Variants in ZPLD1 observed in about 807,000 individuals in gnomAD.
The protein encoded by ZPLD1 is zona pellucida-like domain-containing protein 1.
A neutral mutation model predicts 47.2 loss-of-function variants in ZPLD1; 34 were observed. That is an observed-to-expected ratio of 0.72 (90% CI 0.55 to 0.96). The LOEUF is 0.96. Among genes scored for constraint, ZPLD1 ranks in the 40% least tolerant of loss-of-function variants. The pLI, the probability that ZPLD1 is intolerant of heterozygous loss-of-function variation, is 0.00. For synonymous variants in ZPLD1, 176 were observed against 186.2 expected, an observed-to-expected ratio of 0.95 and a Z score of 0.45; for missense variants, 512 against 505.8, an observed-to-expected ratio of 1.01 and a Z score of -0.12.
At chr3:102,419,835 G>C (rs1246649243) in intron 8 of ZPLD1, among the ~76,000 whole-genome samples, 1 of 150,338 alleles carries the variant, frequency 6.7e-6, no homozygotes, top group East Asian at 2.0e-4. Context: ...TCTCATTTAA[G>C]TACCTATTAG....
At chr3:102,451,692 T>C (rs1465104261) in intron 3 of ZPLD1, among the ~76,000 whole-genome samples, 1 of 152,166 alleles carries the variant, frequency 6.6e-6, no homozygotes, top group Non-Finnish European at 1.5e-5. Flanking sequence ...GAATCCTTTC[T>C]TGTCTCTTCC....
At chr3:102,444,792 T>C (rs1181216646) in intron 3 of ZPLD1, among the ~76,000 whole-genome samples, 1 of 152,204 alleles carries the variant, frequency 6.6e-6, no homozygotes, top group Non-Finnish European at 1.5e-5. Context: ...CAGATTGCTG[T>C]TTATACTATC....
At chr3:102,466,425 A>T (rs1407053784) in intron 8 of ZPLD1, among the ~76,000 whole-genome samples, 1 of 152,210 alleles carries the variant, frequency 6.6e-6, no homozygotes, top group Non-Finnish European at 1.5e-5. Context: ...TACAGGAAAA[A>T]TATCGAAAAT....
Position 102,477,528 on chromosome 3 carries a change from T to G in ZPLD1, c.1158T>G (p.Phe386Leu). ...SGMVILGVTS[F>L]SLLLCSLALL... ...TGGTCATTCTGGGAGTTACGAGCTTTTCTCTTCTTCTGTGCTCACTGGCCC... is the reference window on the plus strand; with the variant it reads ...TGGTCATTCTGGGAGTTACGAGCTTGTCTCTTCTTCTGTGCTCACTGGCCC... Residue 386 changes from phenylalanine to leucine, a missense_variant, in exon 12 of 12, where the codon TTT (phenylalanine) becomes TTG (leucine). Physicochemically the swap from Phe to Leu is conservative, Grantham distance 22. Coordinates refer to ENST00000466937, the MANE Select transcript of ZPLD1 (RefSeq NM_001329788.2). 6.2e-7 allele frequency: 1 copy of G among 1,613,876 alleles called. No homozygotes were observed. Among genetic ancestry groups the G allele is most frequent in the Non-Finnish European group, 8.5e-7 (1 of 1,179,776 alleles).
intron 5 of ZPLD1, among the ~76,000 whole-genome samples, chr3:102,456,699 C>G (rs1211589239): frequency 6.6e-6 from 1 of 152,170 alleles, no homozygotes; most frequent in African/African-American, 2.4e-5. Flanking sequence ...TCCCTTTGCC[C>G]AAGAGCCTTG....
chr3:102,400,195 G>A (rs1350751522), intron 7 of ZPLD1, among the ~76,000 whole-genome samples: 3 of 152,084 alleles, frequency 2.0e-5, no homozygotes, highest in Admixed American at 6.6e-5. Flanking sequence ...TAGTCATGAT[G>A]TGTAGCTTTA....
chr3:102,458,701 A>G (rs2107342817), intron 6 of ZPLD1, among the ~76,000 whole-genome samples: 1 of 152,330 alleles, frequency 6.6e-6, no homozygotes, highest in Non-Finnish European at 1.5e-5. Flanking sequence ...CATGTTTATA[A>G]GTTTGTAGTC....
intron 8 of ZPLD1, among the ~76,000 whole-genome samples, chr3:102,428,739 A>ATG (rs936074551): frequency 3.3e-4 from 49 of 150,504 alleles, no homozygotes; most frequent in African/African-American, 9.2e-4. Context: ...TGTTATATAT[A>ATG]TGTGTGTGTG....
chr3:102,470,185 T>C (rs1285541761), intron 9 of ZPLD1, among the ~76,000 whole-genome samples: 1 of 152,116 alleles, frequency 6.6e-6, no homozygotes, highest in East Asian at 1.9e-4. Flanking sequence ...CAGTGCACAA[T>C]TACAGCGGGA....
intron 7 of ZPLD1, among the ~76,000 whole-genome samples, chr3:102,403,221 T>C (rs1439757962): frequency 6.6e-6 from 1 of 151,972 alleles, no homozygotes; most frequent in Non-Finnish European, 1.5e-5. Flanking sequence ...ATATTCTGTA[T>C]GTATTCATAT....
At position 102,449,280 on chromosome 3, in the gene ZPLD1, G is replaced by A. The variant is rs1026412044; in HGVS notation, c.107-3639G>A. ...CTAACCAGCTGGTCTGGGCAAAGCC[G>A]GCCTTCTACGCTACTCCATAGCTCT... On this transcript the variant is annotated intron_variant, in intron 3 of 11. Transcript: ENST00000466937. Among the ~76,000 whole-genome samples the A allele has an allele frequency of 3.9e-5, 6 of 152,106 alleles. No homozygotes were observed. In the East Asian group the frequency reaches 5.8e-4, roughly 15 times the overall value.
chr3:102,389,729 G>A (rs1158205915), intron 6 of ZPLD1, among the ~76,000 whole-genome samples: 2 of 152,140 alleles, frequency 1.3e-5, no homozygotes, highest in East Asian at 3.9e-4. Flanking sequence ...TCCAAAGATA[G>A]GGCTGAGTTA....
At chr3:102,402,883 C>T (rs548421734) in intron 7 of ZPLD1, among the ~76,000 whole-genome samples, 2 of 152,004 alleles carry the variant, frequency 1.3e-5, no homozygotes, top group African/African-American at 4.8e-5. Context: ...GATAATGAAA[C>T]TAAAACTATT....
chr3:102,405,924 C>T lies in ZPLD1; in HGVS notation c.-156-12136C>T, dbSNP rs372978806. Among the ~76,000 whole-genome samples the T allele has an allele frequency of 6.2e-4, 94 of 152,040 alleles. 2 individuals carry two copies. The South Asian group carries it at 0.018, about 30-fold the overall frequency. On this transcript the variant is annotated intron_variant, in intron 7 of 17. Transcript: ENST00000491959. ...TGAAAGAGTTGGGCTGTATGCTTCCCGAGATTCCTCCCAGCTCTAAAATTC... is the reference window on the plus strand; with the variant it reads ...TGAAAGAGTTGGGCTGTATGCTTCCTGAGATTCCTCCCAGCTCTAAAATTC...
chr3:102,414,034 T>G (rs1706776535), intron 7 of ZPLD1, among the ~76,000 whole-genome samples: 2 of 151,812 alleles, frequency 1.3e-5, no homozygotes, highest in Non-Finnish European at 2.9e-5. Context: ...GCTGTGTGCT[T>G]TCCAGTTGGA....
chr3:102,459,793 C>T (rs944416028), intron 6 of ZPLD1, among the ~76,000 whole-genome samples: 2 of 152,014 alleles, frequency 1.3e-5, no homozygotes, highest in Non-Finnish European at 2.9e-5. Flanking sequence ...TTATTTACAT[C>T]TTGTGTTAGT....
intron 8 of ZPLD1, among the ~76,000 whole-genome samples, chr3:102,419,184 C>A (rs1357423273): frequency 6.6e-6 from 1 of 151,978 alleles, no homozygotes; most frequent in Non-Finnish European, 1.5e-5. Flanking sequence ...TTTAGTTAAA[C>A]ATCTAATATT....
At chr3:102,467,052 A>G (rs987237423) in intron 8 of ZPLD1, among the ~76,000 whole-genome samples, 7 of 152,132 alleles carry the variant, frequency 4.6e-5, no homozygotes, top group Non-Finnish European at 1.0e-4. Flanking sequence ...AAATTTAAAA[A>G]TTAGAATTTT....
intron 10 of ZPLD1, among the ~76,000 whole-genome samples, chr3:102,472,422 C>T (rs1348427349): frequency 6.6e-6 from 1 of 151,504 alleles, no homozygotes; most frequent in Non-Finnish European, 1.5e-5. Context: ...ATCACAGCTA[C>T]TTGGGAGGCT....
Sources: gnomAD v4.1 joint callset for allele counts (sites outside exome capture counted in the v4.1 genomes callset) on GRCh38, gnomAD v4.1.1 for gene constraint, MANE v1.5 for transcripts, NCBI Gene and HGNC (gene_info 2026-07-23, HGNC 2026-07-21) for gene names.